PTGER3: variants seen among roughly 807,000 people sequenced by gnomAD.
PTGER3 encodes prostaglandin E2 receptor EP3 subtype.
Under a neutral mutation model 34.7 loss-of-function variants are expected in PTGER3, and 22 were observed. The observed-to-expected ratio is 0.63, with a 90% confidence interval of 0.45 to 0.91. The LOEUF (loss-of-function observed/expected upper bound fraction) is 0.91. Among genes scored for constraint, PTGER3 ranks in the 40% least tolerant of loss-of-function variants. PTGER3 has a pLI of 0.00. For missense variants in PTGER3, 468 were observed against 519.4 expected (o/e 0.90, Z 0.96); for synonymous variants, 241 against 230.1 (o/e 1.05, Z -0.43).
At chr1:71,041,816 C>T (rs560780910) in intron 1 of PTGER3, among the ~76,000 whole-genome samples, 3 of 152,160 alleles carry the variant, frequency 2.0e-5, no homozygotes, top group Non-Finnish European at 4.4e-5. Flanking sequence ...AAAAATGTTA[C>T]GCAGATGTAC....
intron 4 of PTGER3, among the ~76,000 whole-genome samples, chr1:70,873,376 T>G (rs1646203757): frequency 6.6e-6 from 1 of 152,152 alleles, no homozygotes. Context: ...CAGAAATGGT[T>G]GTATTTCTTA....
chr1:70,852,524 G>A (rs959521823), exon 5 of PTGER3: 4 of 392,602 alleles, frequency 1.0e-5, no homozygotes, highest in East Asian at 5.4e-5. Flanking sequence ...ATGTTTCAAT[G>A]TGGATAAATC....
intron 4 of PTGER3, among the ~76,000 whole-genome samples, chr1:70,901,734 G>A (rs1646843227): frequency 6.6e-6 from 1 of 152,120 alleles, no homozygotes; most frequent in Non-Finnish European, 1.5e-5. Context: ...AGGCAACTGT[G>A]TACCTACCAC....
chr1:70,861,414 G>T (rs1050179831), intron 4 of PTGER3, among the ~76,000 whole-genome samples: 7 of 152,066 alleles, frequency 4.6e-5, no homozygotes, highest in African/African-American at 1.7e-4. Flanking sequence ...TGTAAATGTT[G>T]ACCACCCATC....
chr1:70,911,911 T>G (rs1647069991), intron 4 of PTGER3, among the ~76,000 whole-genome samples: 1 of 152,068 alleles, frequency 6.6e-6, no homozygotes, highest in African/African-American at 2.4e-5. Context: ...GAGATCCACA[T>G]TTTGTTGCAG....
chr1:70,990,473 T>C (rs1032169786), intron 2 of PTGER3, among the ~76,000 whole-genome samples: 7 of 149,620 alleles, frequency 4.7e-5, no homozygotes, highest in African/African-American at 1.2e-4. Flanking sequence ...TACATATATA[T>C]ACACATATAT....
intron 2 of PTGER3, among the ~76,000 whole-genome samples, chr1:70,989,652 T>G (rs1333140500): frequency 6.6e-6 from 1 of 152,184 alleles, no homozygotes; most frequent in Non-Finnish European, 1.5e-5. Flanking sequence ...AATAAATTTA[T>G]TAACAAATTA....
At chr1:70,879,284 T>C (rs981765683) in intron 4 of PTGER3, among the ~76,000 whole-genome samples, 1 of 152,180 alleles carries the variant, frequency 6.6e-6, no homozygotes, top group Non-Finnish European at 1.5e-5. Flanking sequence ...TCTCACTCTG[T>C]CACCCAGGCT....
chr1:71,046,251 A>T (rs1195538685), intron 1 of PTGER3, among the ~76,000 whole-genome samples: 1 of 128,218 alleles, frequency 7.8e-6, no homozygotes, highest in Non-Finnish European at 1.5e-5. Flanking sequence ...GCGCCACTGT[A>T]CTCCAGCCTG....
At chr1:70,991,745 T>C (rs887087690) in intron 2 of PTGER3, among the ~76,000 whole-genome samples, 3 of 152,172 alleles carry the variant, frequency 2.0e-5, no homozygotes, top group Admixed American at 1.3e-4. Flanking sequence ...GTCCCATTCC[T>C]CTATGGCCTT....
At chr1:70,953,044 G>T in exon 4 of PTGER3, 1 of 1,598,852 alleles carries the variant, frequency 6.3e-7, no homozygotes, top group Non-Finnish European at 8.5e-7. Flanking sequence ...TGAGAGTTCT[G>T]CAAACTGCAG....
At chr1:70,884,731 C>T (rs959873992) in intron 4 of PTGER3, among the ~76,000 whole-genome samples, 1 of 152,186 alleles carries the variant, frequency 6.6e-6, no homozygotes, top group African/African-American at 2.4e-5. Context: ...TTAATACACT[C>T]TCTAACTGGG....
At chr1:71,022,886 C>A (rs1658551792) in intron 1 of PTGER3, among the ~76,000 whole-genome samples, 1 of 151,842 alleles carries the variant, frequency 6.6e-6, no homozygotes, top group African/African-American at 2.4e-5. Flanking sequence ...GGCACACCCT[C>A]TGTCTAGCCC....
At chr1:70,963,200 G>A (rs1652126886) in intron 2 of PTGER3, among the ~76,000 whole-genome samples, 2 of 152,186 alleles carry the variant, frequency 1.3e-5, no homozygotes, top group Admixed American at 1.3e-4. Context: ...CTCTGGCTTT[G>A]CAGGGTACAT....
intron 2 of PTGER3, among the ~76,000 whole-genome samples, chr1:70,984,324 T>C (rs950051239): frequency 1.1e-4 from 16 of 151,360 alleles, no homozygotes; most frequent in Admixed American, 1.3e-4. Flanking sequence ...GAGATGGAGA[T>C]TGCAGTGAGC....
chr1:70,872,683 T>C (rs1646188388), intron 4 of PTGER3, among the ~76,000 whole-genome samples: 1 of 152,216 alleles, frequency 6.6e-6, no homozygotes, highest in Admixed American at 6.5e-5. Context: ...CCAATGTATA[T>C]GAAATAGCTC....
chr1:70,868,766 C>T (rs1646099506), intron 4 of PTGER3, among the ~76,000 whole-genome samples: 2 of 152,302 alleles, frequency 1.3e-5, no homozygotes, highest in South Asian at 4.1e-4. Flanking sequence ...TTCCAATCAT[C>T]ATCAGAAGAA....
chr1:70,964,543 C>T (rs1328075237), intron 2 of PTGER3, among the ~76,000 whole-genome samples: 1 of 152,112 alleles, frequency 6.6e-6, no homozygotes, highest in Non-Finnish European at 1.5e-5. Flanking sequence ...ATAAAACCAT[C>T]ATCTCTTGTG....
At chr1:70,883,839 G>T in intron 4 of PTGER3, 1 of 203,844 alleles carries the variant, frequency 4.9e-6, no homozygotes, top group Non-Finnish European at 1.0e-5. Flanking sequence ...AAGGTGGGTG[G>T]GTTACTTGAG....
Sources: gnomAD v4.1 joint callset for allele counts (sites outside exome capture counted in the v4.1 genomes callset) on GRCh38, gnomAD v4.1.1 for gene constraint, MANE v1.5 for transcripts, NCBI Gene and HGNC (gene_info 2026-07-23, HGNC 2026-07-21) for gene names.